The following LDLRAD4 variants were observed in gnomAD, a reference collection of about 807,000 sequenced individuals.
LDLRAD4 encodes the protein low-density lipoprotein receptor class A domain-containing protein 4.
A neutral mutation model predicts 17.0 loss-of-function variants in LDLRAD4; 5 were observed. The ratio of observed to expected loss-of-function variants is 0.29; its 90% CI spans 0.15 to 0.62. The LOEUF is 0.62. LDLRAD4 is among the 20% of genes least tolerant of loss of function. The pLI, the probability that LDLRAD4 is intolerant of heterozygous loss-of-function variation, is 0.84. For synonymous variants in LDLRAD4, 168 were observed against 171.8 expected, an observed-to-expected ratio of 0.98 and a Z score of 0.17; for missense variants, 340 against 424.7, an observed-to-expected ratio of 0.80 and a Z score of 1.75.
chr18:13,388,541 AATAGTCACAAGAAGTG>A (rs2086008038), intron 2 of LDLRAD4, among the ~76,000 whole-genome samples: 2 of 152,224 alleles, frequency 1.3e-5, no homozygotes, highest in African/African-American at 4.8e-5. Context: ...AGATGGTAGA[AATAGTCACAAGAAGTG>A]ACCCTATTCT....
chr18:13,459,370 T>TG (rs1340547190), intron 3 of LDLRAD4, among the ~76,000 whole-genome samples: 21 of 31,334 alleles, frequency 6.7e-4, no homozygotes, highest in Non-Finnish European at 7.7e-4. Flanking sequence ...TAACATTTGG[T>TG]GTTTTTTTTT....
intron 2 of LDLRAD4, among the ~76,000 whole-genome samples, chr18:13,437,894 G>A (rs1233612718): frequency 6.6e-6 from 1 of 152,228 alleles, no homozygotes; most frequent in Non-Finnish European, 1.5e-5. Flanking sequence ...TGCCAAGGAT[G>A]TTTTCAAACC....
intron 3 of LDLRAD4, among the ~76,000 whole-genome samples, chr18:13,582,168 G>A (rs193139287): frequency 1.3e-3 from 197 of 152,200 alleles, no homozygotes; most frequent in Middle Eastern, 3.4e-3. Context: ...CCAAAAATGA[G>A]GGAAAAAACA....
chr18:13,475,427 A>ATTTTT (rs35255496), intron 3 of LDLRAD4, among the ~76,000 whole-genome samples: 6 of 131,158 alleles, frequency 4.6e-5, no homozygotes, highest in Non-Finnish European at 9.5e-5. Flanking sequence ...CACCCCGCTG[A>ATTTTT]TTTTTTTTTT....
chr18:13,370,715 T>TTTTTTTTTTTTTTTG lies in LDLRAD4; in HGVS notation c.-382-16613_-382-16612insTGTTTTTTTTTTTTT, dbSNP rs1555663261. On this transcript the variant is annotated intron_variant, in intron 1 of 5. Transcript: ENST00000359446. Reference sequence around the variant, plus strand: ...TCTCTTTCATGGTTTTTTGTTTTGTTTTTTTTTTTTTTTGAGATGGATTCT... The same window carrying TTTTTTTTTTTTTTTG: ...TCTCTTTCATGGTTTTTTGTTTTGTTTTTTTTTTTTTTTTGTTTTTTTTTTTTTGAGATGGATTCT... 2.7e-3 allele frequency among the ~76,000 whole-genome samples: 328 copies of TTTTTTTTTTTTTTTG among 120,972 alleles called. 7 individuals carry two copies. Among genetic ancestry groups the TTTTTTTTTTTTTTTG allele is most frequent in the Middle Eastern group, 0.013 (3 of 234 alleles). 79.4% of individuals were successfully genotyped at this position (120,972 alleles called of 152,430 possible).
At chr18:13,628,405 C>T (rs1049574459) in intron 4 of LDLRAD4, among the ~76,000 whole-genome samples, 1 of 152,162 alleles carries the variant, frequency 6.6e-6, no homozygotes, top group African/African-American at 2.4e-5. Flanking sequence ...GTGTGTTTGT[C>T]GGTTGTCCAG....
At chr18:13,452,892 G>A (rs528053731) in intron 3 of LDLRAD4, among the ~76,000 whole-genome samples, 2 of 152,270 alleles carry the variant, frequency 1.3e-5, no homozygotes, top group African/African-American at 4.8e-5. Flanking sequence ...GACCCCCAGC[G>A]AGAACCTCCA....
chr18:13,550,923 G>A (rs970445575), intron 3 of LDLRAD4, among the ~76,000 whole-genome samples: 7 of 152,180 alleles, frequency 4.6e-5, no homozygotes, highest in East Asian at 3.9e-4. Flanking sequence ...TGCTGTCACC[G>A]TGGGCAGAGA....
intron 1 of LDLRAD4, chr18:13,362,320 G>C (rs2083728836): frequency 6.6e-6 from 1 of 152,238 alleles, no homozygotes; most frequent in Non-Finnish European, 1.5e-5. Flanking sequence ...GATTGTGCCA[G>C]CTGACTGTTC....
intron 3 of LDLRAD4, among the ~76,000 whole-genome samples, chr18:13,575,562 T>C (rs567464381): frequency 1.2e-4 from 19 of 152,360 alleles, no homozygotes; most frequent in African/African-American, 4.3e-4. Context: ...TATAATGACT[T>C]ATTTTCCTCT....
At chr18:13,267,748 C>T (rs993651416) in intron 1 of LDLRAD4, among the ~76,000 whole-genome samples, 1 of 152,242 alleles carries the variant, frequency 6.6e-6, no homozygotes, top group African/African-American at 2.4e-5. Context: ...AAATCACGCA[C>T]ATGTAAGGAT....
At chr18:13,573,824 C>G (rs956043401) in intron 3 of LDLRAD4, among the ~76,000 whole-genome samples, 2 of 152,204 alleles carry the variant, frequency 1.3e-5, no homozygotes, top group Non-Finnish European at 2.9e-5. Context: ...AGACCCTTCT[C>G]AGGTGGTGAA....
chr18:13,464,123 C>T (rs1165727221), intron 3 of LDLRAD4, among the ~76,000 whole-genome samples: 1 of 152,200 alleles, frequency 6.6e-6, no homozygotes, highest in Non-Finnish European at 1.5e-5. Context: ...AACAAAAAGA[C>T]AAGCCTTTCA....
At chr18:13,436,354 A>G (rs552450921) in intron 2 of LDLRAD4, among the ~76,000 whole-genome samples, 5 of 152,274 alleles carry the variant, frequency 3.3e-5, no homozygotes, top group South Asian at 4.1e-4. Context: ...TCTCCCCCCA[A>G]CAAGTTAAAA....
intron 3 of LDLRAD4, among the ~76,000 whole-genome samples, chr18:13,574,323 T>G (rs1057012403): frequency 6.6e-6 from 1 of 152,156 alleles, no homozygotes; most frequent in Non-Finnish European, 1.5e-5. Flanking sequence ...ATGGCAGCAC[T>G]CTTCCCATGC....
At chr18:13,368,574 C>T (rs2084239789) in intron 1 of LDLRAD4, among the ~76,000 whole-genome samples, 1 of 152,182 alleles carries the variant, frequency 6.6e-6, no homozygotes, top group African/African-American at 2.4e-5. Context: ...CTGTCCATCT[C>T]CCCTGGGGGT....
rs62097270 is a variant in LDLRAD4 at position 13,232,960 on chromosome 18, C to T, written c.-467+13972C>T. On this transcript the variant is annotated intron_variant, in intron 1 of 5. Coordinates refer to the LDLRAD4 transcript ENST00000399848. ...TGAAGGGAACAGGAGCCAGCGTCCTCATGACCAAGGCTTCAGCTCATTGTT... is the reference window on the plus strand; with the variant it reads ...TGAAGGGAACAGGAGCCAGCGTCCTTATGACCAAGGCTTCAGCTCATTGTT... 4.3e-3 allele frequency among the ~76,000 whole-genome samples: 648 copies of T among 152,348 alleles called. 3 individuals are homozygous for T. Among genetic ancestry groups the T allele is most frequent in the Non-Finnish European group, 6.5e-3 (444 of 68,036 alleles).
At chr18:13,571,549 G>A (rs1261727364) in intron 3 of LDLRAD4, among the ~76,000 whole-genome samples, 2 of 152,226 alleles carry the variant, frequency 1.3e-5, no homozygotes, top group African/African-American at 2.4e-5. Flanking sequence ...ACGCATGATG[G>A]CGTTGGGTAG....
intron 3 of LDLRAD4, among the ~76,000 whole-genome samples, chr18:13,455,311 T>G (rs564773504): frequency 6.6e-6 from 1 of 152,344 alleles, no homozygotes; most frequent in East Asian, 1.9e-4. Flanking sequence ...AACTGCCAAA[T>G]TAAAATGCAC....
Sources: allele counts gnomAD v4.1 joint callset (sites outside exome capture counted in the v4.1 genomes callset), GRCh38; gene constraint gnomAD v4.1.1; transcripts MANE v1.5; gene names NCBI Gene and HGNC (gene_info 2026-07-23, HGNC 2026-07-21).